The following CEP85L variants were observed in gnomAD, a reference collection of about 807,000 sequenced individuals.
The protein encoded by CEP85L is centrosomal protein of 85 kDa-like.
In CEP85L, 60 loss-of-function variants were observed where a neutral mutation model predicts 100.3. The ratio of observed to expected loss-of-function variants is 0.60; its 90% CI spans 0.49 to 0.74. CEP85L has a LOEUF of 0.74. Ranked by LOEUF, CEP85L falls within the 30% of genes least tolerant of loss-of-function variation. The pLI is 0.00. For synonymous variants in CEP85L, 319 were observed against 322.7 expected (o/e 0.99, Z 0.12); for missense variants, 973 against 936.2 (o/e 1.04, Z -0.51).
At chr6:118,600,373 C>T (rs866752851) in intron 2 of CEP85L, among the ~76,000 whole-genome samples, 5 of 80,686 alleles carry the variant, frequency 6.2e-5, no homozygotes, top group African/African-American at 1.6e-4. Context: ...GTGTGTGTAA[C>T]GCCATGGAGC....
At chr6:118,661,482 T>C (rs527587716) in intron 1 of CEP85L, among the ~76,000 whole-genome samples, 9 of 152,176 alleles carry the variant, frequency 5.9e-5, no homozygotes, top group African/African-American at 1.9e-4. Flanking sequence ...TTTTTATAAA[T>C]AATAAAATTT....
At chr6:118,504,983 C>G (rs1001615395) in intron 5 of CEP85L, among the ~76,000 whole-genome samples, 1 of 152,154 alleles carries the variant, frequency 6.6e-6, no homozygotes, top group East Asian at 1.9e-4. Context: ...AGCGGCTTTA[C>G]TCATAATTGC....
chr6:118,491,354 T>TC, intron 6 of CEP85L: 1 of 476,196 alleles, frequency 2.1e-6, no homozygotes, highest in Non-Finnish European at 2.9e-6. Context: ...TAGGCCAGCT[T>TC]CATTTACCAA....
chr6:118,614,449 A>G (rs907786276), intron 2 of CEP85L, among the ~76,000 whole-genome samples: 1 of 152,230 alleles, frequency 6.6e-6, no homozygotes, highest in African/African-American at 2.4e-5. Flanking sequence ...TTTATAGACA[A>G]TGTGATTGTC....
At chr6:118,687,172 G>A (rs73515223) in intron 1 of CEP85L, among the ~76,000 whole-genome samples, 1,768 of 152,214 alleles carry the variant, frequency 0.012, 48 homozygotes, top group African/African-American at 0.04. Context: ...CATTCATGTA[G>A]AGAAGCTTTT....
chr6:118,592,508 T>C (rs1781248251), intron 2 of CEP85L, among the ~76,000 whole-genome samples: 1 of 151,896 alleles, frequency 6.6e-6, no homozygotes, highest in Admixed American at 6.5e-5. Flanking sequence ...CACTGTCATA[T>C]CTGGAAGTGA....
At chr6:118,637,544 A>G (rs1458373803) in intron 1 of CEP85L, among the ~76,000 whole-genome samples, 1 of 151,612 alleles carries the variant, frequency 6.6e-6, no homozygotes. Flanking sequence ...CAAAAGAAAA[A>G]AAAAAAAAAA....
At chr6:118,501,514 C>G in intron 5 of CEP85L, 1 of 479,626 alleles carries the variant, frequency 2.1e-6, no homozygotes, top group Non-Finnish European at 4.1e-6. Flanking sequence ...CTGGCTACTC[C>G]ATCATCATTA....
At chr6:118,619,757 G>A (rs79087220) in intron 2 of CEP85L, among the ~76,000 whole-genome samples, 1,549 of 152,294 alleles carry the variant, frequency 0.01, 10 homozygotes, top group Non-Finnish European at 0.018. Context: ...GTCTTACAAG[G>A]GTTAGGACAG....
intron 2 of CEP85L, among the ~76,000 whole-genome samples, chr6:118,607,326 G>T (rs1772296057): frequency 6.6e-6 from 1 of 152,152 alleles, no homozygotes; most frequent in African/African-American, 2.4e-5. Flanking sequence ...TGGGGAAGGT[G>T]AACAGCTTAG....
chr6:118,590,271 T>C (rs951638304), intron 2 of CEP85L, among the ~76,000 whole-genome samples: 27 of 152,276 alleles, frequency 1.8e-4, no homozygotes, highest in African/African-American at 6.5e-4. Flanking sequence ...AAGGGGTCCT[T>C]GGCAAGGTTT....
chr6:118,686,892 A>G (rs1471735354), intron 1 of CEP85L, among the ~76,000 whole-genome samples: 2 of 152,194 alleles, frequency 1.3e-5, no homozygotes, highest in African/African-American at 4.8e-5. Context: ...AAAATTTCCC[A>G]GAGGTTTCCC....
intron 2 of CEP85L, among the ~76,000 whole-genome samples, chr6:118,611,214 C>A (rs960178723): frequency 1.3e-5 from 2 of 152,042 alleles, no homozygotes; most frequent in African/African-American, 4.8e-5. Context: ...ATGTGAAACT[C>A]TTTTATCATA....
intron 12 of CEP85L, 126 bp from the exon 13 acceptor site, chr6:118,465,694 A>C (rs1772464519): frequency 1.3e-6 from 1 of 774,546 alleles, no homozygotes; most frequent in Non-Finnish European, 2.0e-6. Context: ...CTCAGGTTCA[A>C]GTTATGTTTA....
chr6:118,519,473 T>TGTGTGTG (rs1776500318), intron 4 of CEP85L, among the ~76,000 whole-genome samples: 3 of 18,214 alleles, frequency 1.6e-4, no homozygotes, highest in Non-Finnish European at 2.4e-4. Flanking sequence ...TGTGTGTGTG[T>TGTGTGTG]GGCGGGGGGG....
At chr6:118,587,040 G>A (rs1009920366) in intron 2 of CEP85L, among the ~76,000 whole-genome samples, 9 of 152,118 alleles carry the variant, frequency 5.9e-5, no homozygotes, top group African/African-American at 1.4e-4. Context: ...GTAATACGTC[G>A]CACCATCTAG....
At chr6:118,626,088 C>A (rs1021512699) in intron 2 of CEP85L, among the ~76,000 whole-genome samples, 39 of 152,104 alleles carry the variant, frequency 2.6e-4, no homozygotes, top group African/African-American at 9.2e-4. Context: ...TTGGGGTGTC[C>A]TGTTTAGAGG....
chr6:118,565,311 C>A, intron 3 of CEP85L: 1 of 555,006 alleles, frequency 1.8e-6, no homozygotes, highest in Non-Finnish European at 3.2e-6. Flanking sequence ...AAAGAACAAG[C>A]TAGGTACAAG....
intron 5 of CEP85L, among the ~76,000 whole-genome samples, chr6:118,505,409 CAA>C (rs56893664): frequency 0.039 from 2,746 of 70,840 alleles, 5 homozygotes; most frequent in Non-Finnish European, 0.055. Flanking sequence ...TCACTGTACT[CAA>C]AAAAAAAAAA....
Sources: allele counts gnomAD v4.1 joint callset (sites outside exome capture counted in the v4.1 genomes callset), GRCh38; gene constraint gnomAD v4.1.1; transcripts MANE v1.5; gene names NCBI Gene and HGNC (gene_info 2026-07-23, HGNC 2026-07-21).